The following AGRN variants were observed in gnomAD, a reference collection of about 807,000 sequenced individuals.
AGRN encodes the protein agrin.
Under a neutral mutation model 211.0 loss-of-function variants are expected in AGRN, and 106 were observed. That is an observed-to-expected ratio of 0.50 (90% CI 0.43 to 0.59). The LOEUF is 0.59. Among genes scored for constraint, AGRN ranks in the 20% least tolerant of loss-of-function variants. The pLI is 0.00. For synonymous variants in AGRN, 1,525 were observed against 1,332.5 expected, an observed-to-expected ratio of 1.14 and a Z score of -3.15; for missense variants, 3,040 against 2,982.6, an observed-to-expected ratio of 1.02 and a Z score of -0.45.
Position 1,048,284 on chromosome 1 carries a change from G to A in AGRN, c.4024G>A (p.Gly1342Arg). Residue 1342 changes from glycine to arginine, a missense_variant, in exon 23 of 36, where the codon GGG becomes AGG. By Grantham distance (125) the Gly-to-Arg change is moderately radical (BLOSUM62 -2). Coordinates refer to ENST00000379370, the MANE Select transcript of AGRN (RefSeq NM_198576.4). The surrounding 1 kb of genome is among the most constrained non-coding windows in gnomAD (Gnocchi z 5.9). ...PCDSQPCFHG[G>R]TCQDWALGGG... ...TGACTCACAGCCCTGCTTCCACGGGGGGACCTGCCAGGACTGGGCATTGGG... is the reference window on the plus strand; with the variant it reads ...TGACTCACAGCCCTGCTTCCACGGGAGGACCTGCCAGGACTGGGCATTGGG... 1 of 1,524,572 alleles carries A rather than the reference G, an allele frequency of 6.6e-7. No homozygotes were observed. The highest frequency in any genetic ancestry group is 8.8e-7 in the Non-Finnish European group (1 of 1,132,414). The allele number at this position is 1,524,572 out of a possible 1,614,324, so 94.4% of individuals were successfully genotyped here. A position where few individuals can be genotyped will look rare whatever the true frequency, so the allele number is the denominator to read the frequency against.
chr1:1,038,719 G>A (rs1412140617), intron 3 of AGRN, among the ~76,000 whole-genome samples: 1 of 152,190 alleles, frequency 6.6e-6, no homozygotes, highest in Admixed American at 6.5e-5. Context: ...GACCTGGGGG[G>A]AACCATTGGT....
At chr1:1,054,784 C>T (rs1378822974) in intron 35 of AGRN, 40 bp from the exon 36 acceptor site, 3 of 1,541,338 alleles carry the variant, frequency 1.9e-6, no homozygotes, top group Non-Finnish European at 1.7e-6. Flanking sequence ...ATCAGCATCA[C>T]TGAGTCACAG....
At position 1,032,967 on chromosome 1, in the gene AGRN, C is replaced by A. The variant is rs1557691536; in HGVS notation, c.464-2310C>A. Among the ~76,000 whole-genome samples the A allele has an allele frequency of 6.6e-6, 1 of 152,026 alleles. No homozygotes were observed. On this transcript the variant is annotated intron_variant, in intron 2 of 35. Transcript: ENST00000379370. This position sits in a 1 kb window ranked among gnomAD's most constrained non-coding sequence, Gnocchi z 4.7. ...CCCGGATCCCCCGGCTGGGCAGCGG[C>A]CAGGGAGAGGGGCGACCTACGGGGG...
rs565444145 is a variant in AGRN, at chr1:1,044,202, C to T, written c.2093C>T (p.Ser698Leu). 49 of 1,613,058 alleles carry T rather than the reference C, an allele frequency of 3.0e-5. No homozygotes were observed. In the South Asian group the frequency reaches 4.0e-4, roughly 13 times the overall value. ...RQRGGIWDED[S>L]EDGPCVCDFS... ...CGCGGTGGCATCTGGGACGAGGACTCGGAGGACGGGCCGTGTGTCTGTGAC... is the reference window on the plus strand; with the variant it reads ...CGCGGTGGCATCTGGGACGAGGACTTGGAGGACGGGCCGTGTGTCTGTGAC... Residue 698 changes from serine (S) to leucine (L), a missense_variant, in exon 11 of 36, where the codon TCG (serine) becomes TTG (leucine). Transcript: ENST00000379370.
rs115019873 is a variant in AGRN at position 1,049,791 on chromosome 1, C to T, written c.4740C>T (p.Arg1580=). The T allele has an allele frequency of 3.1e-3, 4,972 of 1,595,942 alleles. 130 individuals carry two copies. The African/African-American group carries it at 0.059, about 19-fold the overall frequency. ...TCCATTGCCAGTGCCCGCCCGGCCG[C>T]GTCGGTGAGGGTGGGGCCGGGGCGG... ...GRFHCQCPPG[R]VGPTCADEKS... The change falls in exon 26 of 36, where the codon CGC becomes CGT. Residue 1580 remains arginine, a synonymous_variant. Coordinates refer to ENST00000379370, the MANE Select transcript of AGRN (RefSeq NM_198576.4).
At chr1:1,029,611 T>A in intron 2 of AGRN, among the ~76,000 whole-genome samples, 1 of 143,352 alleles carries the variant, frequency 7.0e-6, no homozygotes, top group Non-Finnish European at 1.5e-5. Context: ...GTGCAGTGCA[T>A]GGTGCTGTGA....
intron 3 of AGRN, among the ~76,000 whole-genome samples, chr1:1,038,100 G>A (rs756928276): frequency 6.6e-6 from 1 of 152,168 alleles, no homozygotes; most frequent in African/African-American, 2.4e-5. Flanking sequence ...GGGATAGGAG[G>A]GAGGGACCAG....
intron 1 of AGRN, among the ~76,000 whole-genome samples, chr1:1,021,667 G>A (rs1412396095): frequency 1.3e-5 from 2 of 152,240 alleles, no homozygotes; most frequent in African/African-American, 4.8e-5. Flanking sequence ...GGTGGAGGGT[G>A]GGGCACCCTG....
Position 1,055,233 on chromosome 1 carries a change from T to C in AGRN, c.*252T>C. 2 of 576,624 alleles carry C rather than the reference T, an allele frequency of 3.5e-6. No individual in the cohort carries two copies. Among genetic ancestry groups the C allele is most frequent in the South Asian group, 1.9e-5 (1 of 52,748 alleles). 35.7% of individuals were successfully genotyped at this position (576,624 alleles called of 1,614,324 possible). On this transcript the variant is annotated 3_prime_UTR_variant, in exon 36 of 36. Transcript: ENST00000379370. ...GCCTCAAGGTGCTGAGCCCCCGCCT[T>C]GCACTGCGCCTGCCCCACGGTGTCC...
rs183108359 is a variant in AGRN at position 1,045,568 on chromosome 1, C to T, written c.2536+45C>T. 8.8e-3 allele frequency: 14,124 copies of T among 1,607,566 alleles called. 234 individuals carry two copies. Among genetic ancestry groups the T allele is most frequent in the Middle Eastern group, 0.048 (291 of 6,054 alleles). On this transcript the variant is annotated intron_variant, in intron 14 of 35. Transcript: ENST00000379370. ...ACTGGCCACCGGCTATGCCCTCCTA[C>T]CTGTTCACCCCCATCACTGTGCTTC... is the stretch of plus-strand genomic sequence containing the variant.
At chr1:1,049,207 T>C in intron 24 of AGRN, 29 bp from the exon 25 acceptor site, 1 of 1,525,414 alleles carries the variant, frequency 6.6e-7, no homozygotes, top group Non-Finnish European at 8.8e-7. Flanking sequence ...GGCCGGGCGA[T>C]GGTCCTGAGC....
chr1:1,052,147 T>C, intron 33 of AGRN: 1 of 1,177,354 alleles, frequency 8.5e-7, no homozygotes. Context: ...CGGCGCTATT[T>C]GGCTGCAAGA....
chr1:1,023,104 GT>G (rs1330305568), intron 2 of AGRN, among the ~76,000 whole-genome samples: 1 of 152,178 alleles, frequency 6.6e-6, no homozygotes, highest in African/African-American at 2.4e-5. Context: ...AATATAGGAG[GT>G]CCCTGTCGCC....
rs57668569 is a variant in AGRN at position 1,048,767 on chromosome 1, CAAAAAAA to C, written c.4106-84_4106-78del. 2.2e-4 allele frequency: 235 copies of C among 1,077,938 alleles called. No homozygotes were observed. Among genetic ancestry groups the C allele is most frequent in the African/African-American group, 4.8e-4 (21 of 43,592 alleles). The allele number at this position is 1,077,938 out of a possible 1,614,324, so 66.8% of individuals were successfully genotyped here. On this transcript the variant is annotated intron_variant, in intron 23 of 35. Transcript: ENST00000379370. The surrounding 1 kb of genome is among the most constrained non-coding windows in gnomAD (Gnocchi z 5.9). The stretch of plus-strand genomic sequence containing the variant: ...GGGCAAAAAGAGCAAAACTCCGTCT[CAAAAAAA>C]AAAAAAAAAAAAAAAGCAGGGGGCG...
At chr1:1,040,562 G>A in intron 3 of AGRN, 103 bp from the exon 4 acceptor site, 1 of 1,374,616 alleles carries the variant, frequency 7.3e-7, no homozygotes, top group East Asian at 2.5e-5. Context: ...GCGGCGCGGG[G>A]GCGGGTGAAT....
rs1644692467 is a variant in AGRN, at chr1:1,032,350, T to C, written c.464-2927T>C. Among the ~76,000 whole-genome samples, 1 of 152,112 alleles carries C rather than the reference T, an allele frequency of 6.6e-6. No individual in the cohort carries two copies. Among genetic ancestry groups the C allele is most frequent in the South Asian group, 2.1e-4 (1 of 4,816 alleles). On this transcript the variant is annotated intron_variant, in intron 2 of 35. Coordinates refer to ENST00000379370, the MANE Select transcript of AGRN (RefSeq NM_198576.4). The surrounding 1 kb of genome is among the most constrained non-coding windows in gnomAD (Gnocchi z 4.7). ...GGAAAGGAGTCCCAAGAGAGGGAGC[T>C]GGCAAGACAGGACCTTCCCAGCTAA... is the stretch of plus-strand genomic sequence containing the variant.
Position 1,048,819 on chromosome 1 carries a change from G to A in AGRN, c.4106-48G>A. ...GGGGCGGTTTCAGGGATAAAAGTGG[G>A]GAATCCTCGGAGCTTTTCCAGCCGG... On this transcript the variant is annotated intron_variant, in intron 23 of 35. Coordinates refer to ENST00000379370, the MANE Select transcript of AGRN (RefSeq NM_198576.4). The surrounding 1 kb of genome is among the most constrained non-coding windows in gnomAD (Gnocchi z 5.9). The A allele has an allele frequency of 1.3e-6, 2 of 1,490,844 alleles. No individual in the cohort carries two copies. Among genetic ancestry groups the A allele is most frequent in the Non-Finnish European group, 1.8e-6 (2 of 1,120,964 alleles). The allele number at this position is 1,490,844 out of a possible 1,614,324, so 92.4% of individuals were successfully genotyped here.
intron 2 of AGRN, among the ~76,000 whole-genome samples, chr1:1,033,371 C>G (rs1644716214): frequency 6.6e-6 from 1 of 151,728 alleles, no homozygotes; most frequent in African/African-American, 2.4e-5. Flanking sequence ...ACACGCACGA[C>G]GACGCGCACA....
intron 2 of AGRN, among the ~76,000 whole-genome samples, chr1:1,023,104 G>GT: frequency 6.6e-6 from 1 of 152,178 alleles, no homozygotes; most frequent in South Asian, 2.1e-4. Flanking sequence ...AATATAGGAG[G>GT]TCCCTGTCGC....
Sources: gnomAD v4.1 joint callset for allele counts (sites outside exome capture counted in the v4.1 genomes callset) on GRCh38, gnomAD v4.1.1 for gene constraint, Gnocchi (gnomAD v3.1) non-coding constraint, MANE v1.5 for transcripts, NCBI Gene and HGNC (gene_info 2026-07-23, HGNC 2026-07-21) for gene names.